The following YAP1 variants were observed in gnomAD, a reference collection of about 807,000 sequenced individuals.
YAP1 encodes Yes1 associated transcriptional regulator.
Under a neutral mutation model 56.9 loss-of-function variants are expected in YAP1, and 5 were observed. The ratio of observed to expected loss-of-function variants is 0.09; its 90% CI spans 0.05 to 0.18. The LOEUF (loss-of-function observed/expected upper bound fraction) is 0.18, where lower values mean the gene tolerates loss of function less well. Among genes scored for constraint, YAP1 ranks in the 10% least tolerant of loss-of-function variants. The probability of loss-of-function intolerance (pLI) is 1.00; values close to 1 mark genes in which losing one functional copy is unlikely to be tolerated. For missense variants in YAP1, 539 were observed against 651.8 expected, an observed-to-expected ratio of 0.83 and a Z score of 1.88; for synonymous variants, 265 against 248.1, an observed-to-expected ratio of 1.07 and a Z score of -0.64.
chr11:102,164,430 T>C (rs1162137361), intron 3 of YAP1, among the ~76,000 whole-genome samples: 1 of 152,240 alleles, frequency 6.6e-6, no homozygotes, highest in Non-Finnish European at 1.5e-5. Context: ...CAAATAAAGT[T>C]GTGAAATCTG....
intron 4 of YAP1, among the ~76,000 whole-genome samples, chr11:102,194,951 TATC>T (rs1278025590): frequency 1.4e-4 from 22 of 152,156 alleles, no homozygotes; most frequent in African/African-American, 5.3e-4. Context: ...AGAGACGGTG[TATC>T]TCTGTGTTGC....
chr11:102,170,893 C>T (rs1055263186), intron 3 of YAP1, among the ~76,000 whole-genome samples: 5 of 150,640 alleles, frequency 3.3e-5, no homozygotes, highest in African/African-American at 9.8e-5. Flanking sequence ...CGTTTGAACT[C>T]GGGAGGCAGA....
At chr11:102,157,155 G>T (rs1043332254) in intron 2 of YAP1, among the ~76,000 whole-genome samples, 34 of 152,250 alleles carry the variant, frequency 2.2e-4, no homozygotes, top group African/African-American at 7.9e-4. Flanking sequence ...ATCCTGTAGT[G>T]CAGAAACCAT....
intron 2 of YAP1, among the ~76,000 whole-genome samples, chr11:102,135,292 C>A (rs778920291): frequency 1.3e-5 from 2 of 152,170 alleles, no homozygotes; most frequent in African/African-American, 4.8e-5. Flanking sequence ...CTAAAACTTA[C>A]GGCTTAAAAC....
At chr11:102,179,686 TTTTC>T (rs1445803145) in intron 3 of YAP1, among the ~76,000 whole-genome samples, 2 of 152,258 alleles carry the variant, frequency 1.3e-5, no homozygotes, top group Non-Finnish European at 2.9e-5. Context: ...CATTTTTCAT[TTTTC>T]TTTCTTTCAT....
intron 2 of YAP1, among the ~76,000 whole-genome samples, chr11:102,119,112 A>G (rs1943492196): frequency 6.6e-6 from 1 of 151,624 alleles, no homozygotes; most frequent in African/African-American, 2.4e-5. Flanking sequence ...TGGAGAGAGA[A>G]GATGAAAGTA....
At chr11:102,176,874 A>G (rs767124739) in intron 3 of YAP1, among the ~76,000 whole-genome samples, 23 of 151,398 alleles carry the variant, frequency 1.5e-4, no homozygotes, top group African/African-American at 5.1e-4. Flanking sequence ...AGTGCATGAC[A>G]CTTCTGGGTA....
At chr11:102,162,673 G>A in intron 3 of YAP1, 102 bp downstream of exon 3, 1 of 1,122,644 alleles carries the variant, frequency 8.9e-7, no homozygotes, top group Non-Finnish European at 1.3e-6. Flanking sequence ...ACTGGGACAT[G>A]GTGATGTTTA....
intron 3 of YAP1, among the ~76,000 whole-genome samples, chr11:102,166,389 C>G (rs751768027): frequency 8.5e-5 from 13 of 152,140 alleles, no homozygotes; most frequent in Non-Finnish European, 1.6e-4. Flanking sequence ...TCTTGATATA[C>G]CTCATGTTCA....
At chr11:102,130,384 G>A (rs1944305087) in intron 2 of YAP1, among the ~76,000 whole-genome samples, 1 of 152,048 alleles carries the variant, frequency 6.6e-6, no homozygotes, top group Non-Finnish European at 1.5e-5. Flanking sequence ...AATTTCCCAA[G>A]CTCTCCCGGA....
At chr11:102,203,595 T>C (rs1299244134) in intron 4 of YAP1, among the ~76,000 whole-genome samples, 1 of 152,202 alleles carries the variant, frequency 6.6e-6, no homozygotes, top group Non-Finnish European at 1.5e-5. Flanking sequence ...TATTAACAAT[T>C]GGGAAGAAAG....
At chr11:102,200,030 T>TA (rs1245081138) in intron 4 of YAP1, among the ~76,000 whole-genome samples, 1 of 152,252 alleles carries the variant, frequency 6.6e-6, no homozygotes, top group Non-Finnish European at 1.5e-5. Context: ...TATTAAAACA[T>TA]ACTACTAAAG....
Position 102,206,080 on chromosome 11 carries a change from G to T in YAP1, c.984+6G>T, listed in dbSNP as rs748499342. ...AGCAAGAACTGCTTCGGCAGGTGAG[G>T]CCACAGGTTAGAAACCAGCCTTCCA... On this transcript the variant is annotated splice_donor_region_variant and intron_variant, in intron 5 of 8. Transcript: ENST00000282441. 18 of 1,610,964 alleles carry T rather than the reference G, an allele frequency of 1.1e-5. No homozygotes were observed. In the South Asian group the frequency reaches 1.9e-4, roughly 17 times the overall value.
intron 3 of YAP1, among the ~76,000 whole-genome samples, chr11:102,170,181 C>T (rs549294635): frequency 2.0e-5 from 3 of 152,162 alleles, no homozygotes; most frequent in Non-Finnish European, 4.4e-5. Context: ...CCTTTCACTT[C>T]GTCTCCACTG....
intron 2 of YAP1, among the ~76,000 whole-genome samples, chr11:102,146,942 C>G (rs1014732921): frequency 1.3e-5 from 2 of 152,184 alleles, no homozygotes; most frequent in Admixed American, 6.5e-5. Context: ...ATGATTTGTT[C>G]TGAAATCTAT....
chr11:102,212,232 C>T (rs111862738), intron 6 of YAP1, among the ~76,000 whole-genome samples: 273 of 152,308 alleles, frequency 1.8e-3, no homozygotes, highest in Non-Finnish European at 2.9e-3. Context: ...ATTTTCTAAT[C>T]GTATACCTCA....
At chr11:102,198,783 C>A (rs1431007468) in intron 4 of YAP1, among the ~76,000 whole-genome samples, 1 of 152,142 alleles carries the variant, frequency 6.6e-6, no homozygotes, top group Non-Finnish European at 1.5e-5. Context: ...TGGCACAGCA[C>A]ACTGTATAAA....
chr11:102,160,315 G>A (rs887959008), intron 2 of YAP1, among the ~76,000 whole-genome samples: 13 of 152,220 alleles, frequency 8.5e-5, no homozygotes, highest in African/African-American at 2.6e-4. Flanking sequence ...GAGCCACTGC[G>A]CCTGGCCCAG....
chr11:102,123,149 G>A (rs7938172), intron 2 of YAP1, among the ~76,000 whole-genome samples: 74,598 of 151,898 alleles, frequency 0.49, 19,968 homozygotes, highest in African/African-American at 0.7. Flanking sequence ...ATATTTTTAC[G>A]TTATGACAAT....
Sources: allele counts gnomAD v4.1 joint callset (sites outside exome capture counted in the v4.1 genomes callset), GRCh38; gene constraint gnomAD v4.1.1; transcripts MANE v1.5; gene names NCBI Gene and HGNC (gene_info 2026-07-23, HGNC 2026-07-21).